The following PLEKHM3 variants were observed in gnomAD, a reference collection of about 807,000 sequenced individuals.
PLEKHM3 encodes pleckstrin homology domain-containing family M member 3.
PLEKHM3 carries 45 observed loss-of-function variants against 81.8 expected under a neutral mutation model. The observed-to-expected ratio is 0.55, with a 90% CI of 0.43 to 0.71. PLEKHM3 has a LOEUF of 0.71. PLEKHM3 is among the 30% of genes least tolerant of loss of function. The pLI is 0.00. For synonymous variants in PLEKHM3, 352 were observed against 356.4 expected (o/e 0.99, Z 0.14); for missense variants, 788 against 924.3 (o/e 0.85, Z 1.91).
At chr2:207,925,697 C>G (rs570538645) in intron 5 of PLEKHM3, among the ~76,000 whole-genome samples, 1 of 152,284 alleles carries the variant, frequency 6.6e-6, no homozygotes, top group South Asian at 2.1e-4. Context: ...GGTAACCCAG[C>G]TCTAATCTTC....
chr2:207,923,335 C>T (rs550760474), intron 5 of PLEKHM3, among the ~76,000 whole-genome samples: 4 of 152,248 alleles, frequency 2.6e-5, no homozygotes, highest in African/African-American at 7.2e-5. Context: ...TAGCTAGGTG[C>T]GGTGGCTCAT....
At chr2:207,853,833 C>T (rs1005439737) in intron 7 of PLEKHM3, among the ~76,000 whole-genome samples, 19 of 151,992 alleles carry the variant, frequency 1.3e-4, no homozygotes, top group African/African-American at 3.4e-4. Context: ...TGCAGTGGCA[C>T]GATCTTGGTT....
intron 6 of PLEKHM3, among the ~76,000 whole-genome samples, chr2:207,880,750 G>A (rs747324089): frequency 9.0e-3 from 61 of 6,814 alleles, no homozygotes; most frequent in Non-Finnish European, 0.031. Context: ...GAGACACAGC[G>A]AGACTCTGTC....
chr2:207,932,077 AGCTCAAATATACT>A (rs1689616934), intron 4 of PLEKHM3, among the ~76,000 whole-genome samples: 1 of 152,264 alleles, frequency 6.6e-6, no homozygotes, highest in Non-Finnish European at 1.5e-5. Flanking sequence ...CTAGCAAACA[AGCTCAAATATACT>A]GCTTCAGTGA....
intron 1 of PLEKHM3, among the ~76,000 whole-genome samples, chr2:208,011,380 T>C (rs547898580): frequency 9.9e-5 from 15 of 152,284 alleles, no homozygotes; most frequent in African/African-American, 3.6e-4. Context: ...CTGTGAGATA[T>C]ATATATCTAT....
intron 7 of PLEKHM3, among the ~76,000 whole-genome samples, chr2:207,831,499 T>C (rs1261802705): frequency 1.3e-5 from 2 of 152,234 alleles, no homozygotes; most frequent in African/African-American, 4.8e-5. Flanking sequence ...GTGGGCAAGT[T>C]ACTACTTAAG....
intron 1 of PLEKHM3, among the ~76,000 whole-genome samples, chr2:208,018,984 CAA>C (rs756560377): frequency 2.9e-5 from 4 of 136,920 alleles, no homozygotes; most frequent in African/African-American, 5.4e-5. Context: ...CTGCATCTCA[CAA>C]AAAAAAAAAA....
intron 7 of PLEKHM3, among the ~76,000 whole-genome samples, chr2:207,830,758 G>A (rs1559198559): frequency 3.3e-5 from 5 of 151,664 alleles, no homozygotes; most frequent in Non-Finnish European, 5.9e-5. Context: ...CCCCAACTCC[G>A]CATGCCTCAG....
intron 6 of PLEKHM3, among the ~76,000 whole-genome samples, chr2:207,874,833 G>A (rs1289934597): frequency 2.0e-5 from 3 of 151,706 alleles, no homozygotes; most frequent in Admixed American, 1.3e-4. Context: ...CTCATGATCC[G>A]CCCGCCTTGG....
intron 3 of PLEKHM3, among the ~76,000 whole-genome samples, chr2:207,963,451 C>A (rs116616565): frequency 0.012 from 1,835 of 152,194 alleles, 38 homozygotes; most frequent in African/African-American, 0.042. Flanking sequence ...AGGGGTCAAT[C>A]TGAATTTTAA....
At chr2:207,943,476 T>C (rs1690010338) in intron 4 of PLEKHM3, among the ~76,000 whole-genome samples, 3 of 152,176 alleles carry the variant, frequency 2.0e-5, no homozygotes, top group Admixed American at 2.0e-4. Context: ...AGATGCAGGA[T>C]CATAACAGAA....
Position 208,001,095 on chromosome 2 carries a change from T to C in PLEKHM3, c.545A>G (p.His182Arg), listed in dbSNP as rs77515942. Reference protein sequence around the residue: ...QQQQPLLQGPHVTRPSFLLPS... With the variant: ...QQQQPLLQGPRVTRPSFLLPS... ...CAACAGAAAAGATGGCCTGGTGACA[T>C]GCGGGCCTTGAAGCAATGGCTGCTG... Residue 182 changes from histidine (H) to arginine (R), a missense_variant, in exon 2 of 8, where the codon CAT (histidine) becomes CGT (arginine). Coordinates refer to ENST00000427836, the MANE Select transcript of PLEKHM3 (RefSeq NM_001080475.3). 1,003 of 1,579,404 alleles carry C rather than the reference T, an allele frequency of 6.4e-4. 10 individuals carry two copies. In the East Asian group the frequency reaches 0.022, roughly 34 times the overall value.
chr2:207,943,740 C>T (rs1286019780), intron 4 of PLEKHM3, among the ~76,000 whole-genome samples: 3 of 150,046 alleles, frequency 2.0e-5, no homozygotes, highest in Non-Finnish European at 4.5e-5. Context: ...TAGTGGCGGG[C>T]GCCTGTAGTC....
intron 6 of PLEKHM3, among the ~76,000 whole-genome samples, chr2:207,878,347 G>T (rs964451818): frequency 6.6e-6 from 1 of 152,098 alleles, no homozygotes; most frequent in Non-Finnish European, 1.5e-5. Context: ...AGTGGTTCAC[G>T]CCTGTAATCT....
intron 7 of PLEKHM3, among the ~76,000 whole-genome samples, chr2:207,831,021 C>T (rs1024235025): frequency 2.6e-5 from 4 of 152,224 alleles, no homozygotes; most frequent in Non-Finnish European, 5.9e-5. Flanking sequence ...ATGGAGACTA[C>T]ATAGCACCCA....
chr2:207,870,688 G>A (rs1311711982), intron 6 of PLEKHM3, among the ~76,000 whole-genome samples: 1 of 152,206 alleles, frequency 6.6e-6, no homozygotes, highest in Non-Finnish European at 1.5e-5. Flanking sequence ...TGAGTTCATG[G>A]GAAGTTAGGA....
At chr2:207,858,174 G>GTGTGTGTGTGTATATATA (rs373920637) in intron 7 of PLEKHM3, among the ~76,000 whole-genome samples, 1 of 123,302 alleles carries the variant, frequency 8.1e-6, no homozygotes, top group African/African-American at 3.5e-5. Context: ...GTGTGTGTGT[G>GTGTGTGTGTGTATATATA]TATATATTTT....
intron 3 of PLEKHM3, among the ~76,000 whole-genome samples, chr2:207,974,047 CCT>C (rs1691217529): frequency 3.9e-5 from 6 of 152,274 alleles, no homozygotes; most frequent in Admixed American, 2.6e-4. Flanking sequence ...GCCTTCCTCC[CCT>C]GATTCCGTAC....
In PLEKHM3 at chr2:207,977,451, C is replaced by T. The variant is rs1170327817; in HGVS notation, c.746G>A (p.Gly249Glu). Reference sequence around the variant, plus strand: ...GTACGTGGCATAAAGGTTTTGATTCCCACTGCTGTCGAGGCTGTAGAAGTA... The same window carrying T: ...GTACGTGGCATAAAGGTTTTGATTCTCACTGCTGTCGAGGCTGTAGAAGTA... ...NLYFYSLDSS[G>E]NQNLYATYQL... Residue 249 changes from glycine to glutamate, a missense_variant, in exon 3 of 8, where the codon GGG becomes GAG. Gly to Glu is a moderately conservative substitution (Grantham distance 98, BLOSUM62 -2). Coordinates refer to ENST00000427836, the MANE Select transcript of PLEKHM3 (RefSeq NM_001080475.3). 1.4e-5 allele frequency: 22 copies of T among 1,614,024 alleles called. No homozygotes were observed. Among genetic ancestry groups the T allele is most frequent in the Non-Finnish European group, 1.9e-5 (22 of 1,180,036 alleles).
Sources: allele counts gnomAD v4.1 joint callset (sites outside exome capture counted in the v4.1 genomes callset), GRCh38; gene constraint gnomAD v4.1.1; transcripts MANE v1.5; gene names NCBI Gene and HGNC (gene_info 2026-07-23, HGNC 2026-07-21).